The following STRN variants were observed in gnomAD, a reference collection of about 807,000 sequenced individuals.
STRN encodes striatin, also known as protein phosphatase 2 regulatory subunit B'''alpha.
Under a neutral mutation model 96.3 loss-of-function variants are expected in STRN, and 53 were observed. That is an observed-to-expected ratio of 0.55 (90% CI 0.44 to 0.69). STRN has a LOEUF of 0.69. STRN is among the 30% of genes least tolerant of loss of function. The pLI, the probability that STRN is intolerant of heterozygous loss-of-function variation, is 0.00. For missense variants in STRN, 987 were observed against 963.9 expected, an observed-to-expected ratio of 1.02 and a Z score of -0.32; for synonymous variants, 428 against 355.9, an observed-to-expected ratio of 1.20 and a Z score of -2.28.
rs2717510 is a variant in STRN, at chr2:36,842,742, A to C, written c.*6714T>G. Among the ~76,000 whole-genome samples the C allele has an allele frequency of 9.7e-4, 147 of 152,140 alleles. No individual in the cohort carries two copies. The highest frequency in any genetic ancestry group is 3.2e-3 in the African/African-American group (132 of 41,426). On this transcript the variant is annotated 3_prime_UTR_variant, in exon 18 of 18. Coordinates refer to ENST00000263918, the MANE Select transcript of STRN (RefSeq NM_003162.4). ...TGTTTGGTGGGTTTTGAATCATTTG[A>C]TATACAAAACTTACTGAGTTAAAAT... is the stretch of plus-strand genomic sequence containing the variant.
chr2:36,902,828 T>A, intron 4 of STRN, 77 bp from the exon 5 acceptor site: 1 of 1,252,592 alleles, frequency 8.0e-7, no homozygotes, highest in Non-Finnish European at 1.1e-6. Context: ...TAAAAGTATT[T>A]ATTTAAACTC....
At chr2:36,869,792 A>G in intron 10 of STRN, 63 bp from the exon 11 acceptor site, 6 of 1,297,340 alleles carry the variant, frequency 4.6e-6, no homozygotes, top group Non-Finnish European at 6.1e-6. Context: ...AAAAACTTGC[A>G]TTTCAACATT....
In STRN at chr2:36,851,127, A is replaced by C. The variant is rs749598852; in HGVS notation, c.1979-20T>G. The C allele has an allele frequency of 6.4e-7, 1 of 1,565,234 alleles. No individual in the cohort carries two copies. The highest frequency in any genetic ancestry group is 1.1e-5 in the South Asian group (1 of 89,486). On this transcript the variant is annotated intron_variant, in intron 15 of 17. Coordinates refer to ENST00000263918, the MANE Select transcript of STRN (RefSeq NM_003162.4). ...TGGCTGCTAAAAAGAAAAAATTAAA[A>C]AGCAACACAACTTAGTCAAAGATAT...
At chr2:36,927,524 A>AGGGGGGGGG (rs3080759) in intron 1 of STRN, among the ~76,000 whole-genome samples, 1 of 79,602 alleles carries the variant, frequency 1.3e-5, no homozygotes, top group Non-Finnish European at 2.6e-5. Context: ...AACAAAAAAA[A>AGGGGGGGGG]GGGGGGGGGG....
chr2:36,945,565 G>A (rs1435393852), intron 1 of STRN, among the ~76,000 whole-genome samples: 1 of 152,068 alleles, frequency 6.6e-6, no homozygotes, highest in African/African-American at 2.4e-5. Flanking sequence ...TACTCAGGAG[G>A]CTGAGGCAAG....
rs184544553 is a variant in STRN at position 36,838,910 on chromosome 2, A to G, written c.*10546T>C. The stretch of plus-strand genomic sequence containing the variant: ...TATTTAAAGCAAACTGCCCACCAAA[A>G]TATCTTCTCATTAACGTTAGACTGT... On this transcript the variant is annotated 3_prime_UTR_variant, in exon 18 of 18. Transcript: ENST00000263918. 3.9e-5 allele frequency among the ~76,000 whole-genome samples: 6 copies of G among 152,334 alleles called. No homozygotes were observed. The highest frequency in any genetic ancestry group is 3.3e-4 in the Admixed American group (5 of 15,304).
rs759948480 is a variant in STRN, at chr2:36,886,727, T to C, written c.1031A>G (p.Lys344Arg). ...TGTTTTCCACTTACTCTTCACCCCC[T>C]TTTTCCCCTTTCTCTCCTTTTTGTA... ...EQYKKERKGK[K>R]GVKRPNRSKL... Residue 344 changes from lysine (K) to arginine (R), a missense_variant, in exon 8 of 18, where the codon AAG becomes AGG. Lys to Arg is a conservative substitution (Grantham distance 26). Transcript: ENST00000263918. The C allele has an allele frequency of 2.5e-6, 4 of 1,601,598 alleles. No homozygotes were observed. The highest frequency in any genetic ancestry group is 3.4e-6 in the Non-Finnish European group (4 of 1,172,440).
At chr2:36,909,492 C>T (rs115333698) in intron 3 of STRN, among the ~76,000 whole-genome samples, 1,831 of 152,042 alleles carry the variant, frequency 0.012, 34 homozygotes, top group African/African-American at 0.041. Context: ...ACACTGGACA[C>T]CATGCAACAA....
At chr2:36,909,568 C>T (rs974696422) in intron 3 of STRN, among the ~76,000 whole-genome samples, 1 of 151,954 alleles carries the variant, frequency 6.6e-6, no homozygotes, top group African/African-American at 2.4e-5. Flanking sequence ...CCAGACACCA[C>T]CTAGAGAGAG....
intron 15 of STRN, 34 bp downstream of exon 15, chr2:36,855,178 A>G (rs1195156701): frequency 6.2e-7 from 1 of 1,602,468 alleles, no homozygotes; most frequent in Non-Finnish European, 8.5e-7. Context: ...AGTTAAAAAA[A>G]TAAACACAGA....
At chr2:36,890,022 A>C (rs1375647051) in intron 7 of STRN, among the ~76,000 whole-genome samples, 1 of 152,170 alleles carries the variant, frequency 6.6e-6, no homozygotes, top group East Asian at 1.9e-4. Flanking sequence ...TCGGAGAAAA[A>C]CCAATCTCCG....
At chr2:36,860,639 T>C (rs1020677854) in intron 13 of STRN, among the ~76,000 whole-genome samples, 1 of 152,224 alleles carries the variant, frequency 6.6e-6, no homozygotes, top group Admixed American at 6.5e-5. Context: ...ATGTATGGTA[T>C]TGTTCCCAAA....
Position 36,857,935 on chromosome 2 carries a change from G to C in STRN, c.1758C>G (p.Ser586=). 1 of 1,614,044 alleles carries C rather than the reference G, an allele frequency of 6.2e-7. No individual in the cohort carries two copies. The highest frequency in any genetic ancestry group is 1.3e-5 in the African/African-American group (1 of 75,022). ...AACGCAGAGTGCCATCTGCTGAACA[G>C]GACAACAAACGCTGATGTGCTGCAC... ...AYSAAHQRLL[S]CSADGTLRLW... is the part of the protein sequence containing the mutation. Residue 586 remains serine, a synonymous_variant, in exon 14 of 18, where the codon TCC becomes TCG. Transcript: ENST00000263918.
intron 11 of STRN, 65 bp downstream of exon 11, chr2:36,869,489 A>G (rs1668710520): frequency 7.8e-7 from 1 of 1,274,720 alleles, no homozygotes; most frequent in South Asian, 2.0e-5. Context: ...ATCATAAAAT[A>G]TGTAGTTTTC....
intron 1 of STRN, among the ~76,000 whole-genome samples, chr2:36,926,839 G>A (rs985663734): frequency 6.6e-6 from 1 of 152,070 alleles, no homozygotes; most frequent in Non-Finnish European, 1.5e-5. Context: ...TCTGCAGTGG[G>A]ATAATTATGT....
At chr2:36,931,805 CTGCT>C (rs976809569) in intron 1 of STRN, among the ~76,000 whole-genome samples, 11 of 152,206 alleles carry the variant, frequency 7.2e-5, no homozygotes, top group South Asian at 2.1e-4. Flanking sequence ...AACTTTAAAA[CTGCT>C]TGCTTGCTTG....
Position 36,838,979 on chromosome 2 carries a change from G to C in STRN, c.*10477C>G, listed in dbSNP as rs1199995074. Among the ~76,000 whole-genome samples, 1 of 152,094 alleles carries C rather than the reference G, an allele frequency of 6.6e-6. No homozygotes were observed. Among genetic ancestry groups the C allele is most frequent in the Non-Finnish European group, 1.5e-5 (1 of 68,030 alleles). ...TTGAGAGACCTTTAAAAATTTGTAA[G>C]GTGCTCATGATACACATTATATTAG... On this transcript the variant is annotated 3_prime_UTR_variant, in exon 18 of 18. Coordinates refer to ENST00000263918, the MANE Select transcript of STRN (RefSeq NM_003162.4).
At chr2:36,884,149 T>C (rs1308630420) in intron 8 of STRN, 74 bp from the exon 9 acceptor site, 25 of 1,215,122 alleles carry the variant, frequency 2.1e-5, no homozygotes, top group Non-Finnish European at 2.4e-5. Flanking sequence ...CAAAATGGTA[T>C]TATAAGCCTT....
At chr2:36,903,602 G>A (rs762490756) in intron 4 of STRN, among the ~76,000 whole-genome samples, 4 of 152,164 alleles carry the variant, frequency 2.6e-5, no homozygotes, top group East Asian at 1.9e-4. Flanking sequence ...AGTAGGCACC[G>A]AGTCTACTGG....
Sources: allele counts gnomAD v4.1 joint callset (sites outside exome capture counted in the v4.1 genomes callset), GRCh38; gene constraint gnomAD v4.1.1; transcripts MANE v1.5; gene names NCBI Gene and HGNC (gene_info 2026-07-23, HGNC 2026-07-21).